The following CTNNA2 variants were observed in gnomAD, a reference collection of about 807,000 sequenced individuals.
CTNNA2 encodes the protein catenin alpha 2, also known as catenin alpha-2.
Under a neutral mutation model 101.0 loss-of-function variants are expected in CTNNA2, and 42 were observed. The observed-to-expected ratio is 0.42, with a 90% CI of 0.32 to 0.54. The LOEUF (loss-of-function observed/expected upper bound fraction) is 0.54, where lower values mean the gene tolerates loss of function less well. Ranked by LOEUF, CTNNA2 falls within the 20% of genes least tolerant of loss-of-function variation. The pLI, the probability that CTNNA2 is intolerant of heterozygous loss-of-function variation, is 0.14. For synonymous variants in CTNNA2, 450 were observed against 456.4 expected, an observed-to-expected ratio of 0.99 and a Z score of 0.18; for missense variants, 871 against 1,223.1, an observed-to-expected ratio of 0.71 and a Z score of 4.29.
chr2:80,015,758 G>A (rs1262855408), intron 7 of CTNNA2, among the ~76,000 whole-genome samples: 1 of 152,196 alleles, frequency 6.6e-6, no homozygotes, highest in Non-Finnish European at 1.5e-5. Context: ...ATTGTTAGGC[G>A]TCTCTACTTT....
At chr2:79,314,276 T>C (rs956509336) in intron 3 of CTNNA2, among the ~76,000 whole-genome samples, 1 of 152,130 alleles carries the variant, frequency 6.6e-6, no homozygotes, top group African/African-American at 2.4e-5. Context: ...CCGTAGAAAA[T>C]GCAGAAGTAG....
At chr2:80,208,162 C>T (rs1486266751) in intron 7 of CTNNA2, among the ~76,000 whole-genome samples, 1 of 152,180 alleles carries the variant, frequency 6.6e-6, no homozygotes, top group Non-Finnish European at 1.5e-5. Flanking sequence ...GATTACACCT[C>T]TACAAATGCA....
chr2:79,666,145 C>T (rs1048189593), intron 2 of CTNNA2, among the ~76,000 whole-genome samples: 1 of 152,132 alleles, frequency 6.6e-6, no homozygotes, highest in African/African-American at 2.4e-5. Context: ...ATTTTAGTGA[C>T]TTTTGCATTT....
At position 79,874,309 on chromosome 2, in the gene CTNNA2, C is replaced by G; in HGVS notation, c.819C>G (p.Ile273Met). 1 of 1,613,842 alleles carries G rather than the reference C, an allele frequency of 6.2e-7. No individual in the cohort carries two copies. Among genetic ancestry groups the G allele is most frequent in the Non-Finnish European group, 8.5e-7 (1 of 1,180,006 alleles). Reference sequence around the variant, plus strand: ...ACGAAGCCAAGGGCCACACGGGCATCGGCGAGCTGGCTGCGGCTCTTAATG... The same window carrying G: ...ACGAAGCCAAGGGCCACACGGGCATGGGCGAGCTGGCTGCGGCTCTTAATG... Reference protein sequence around the residue: ...PTDEAKGHTGIGELAAALNEF... With the variant: ...PTDEAKGHTGMGELAAALNEF... The change falls in exon 6 of 19, where the codon ATC becomes ATG. Residue 273 changes from isoleucine (I) to methionine (M), a missense_variant. Ile to Met is a conservative substitution (Grantham distance 10, BLOSUM62 1). Around this residue, in one of 5 missense-constraint regions of CTNNA2, gnomAD observed 647 missense variants for 831.5 expected, o/e 0.78. Transcript: ENST00000402739.
chr2:79,778,750 CTCTT>C (rs1435883855), intron 3 of CTNNA2, among the ~76,000 whole-genome samples: 20 of 152,154 alleles, frequency 1.3e-4, no homozygotes, highest in Non-Finnish European at 2.1e-4. Flanking sequence ...TCTCTCCTCT[CTCTT>C]CTCACTGTGA....
intron 4 of CTNNA2, among the ~76,000 whole-genome samples, chr2:79,448,168 A>G (rs1455292596): frequency 6.6e-6 from 1 of 152,106 alleles, no homozygotes; most frequent in Non-Finnish European, 1.5e-5. Context: ...AACAGCTCTG[A>G]TGAAACCTTG....
chr2:79,599,696 G>T (rs1677425899), intron 1 of CTNNA2, among the ~76,000 whole-genome samples: 1 of 152,012 alleles, frequency 6.6e-6, no homozygotes, highest in Non-Finnish European at 1.5e-5. Context: ...TAATATCTTA[G>T]GACACAAAAA....
chr2:79,835,084 AG>A (rs748847069), intron 3 of CTNNA2, among the ~76,000 whole-genome samples: 15 of 152,146 alleles, frequency 9.9e-5, no homozygotes, highest in Non-Finnish European at 2.1e-4. Context: ...GATATCTATC[AG>A]GGCAATGCTT....
chr2:79,253,773 A>T (rs146280759), intron 2 of CTNNA2, among the ~76,000 whole-genome samples: 1 of 152,328 alleles, frequency 6.6e-6, no homozygotes, highest in East Asian at 1.9e-4. Context: ...GACATTTCTG[A>T]TCATTTTGCT....
chr2:80,359,458 G>A (rs544791784), intron 7 of CTNNA2, among the ~76,000 whole-genome samples: 8 of 152,254 alleles, frequency 5.3e-5, no homozygotes, highest in African/African-American at 1.9e-4. Context: ...GGAGGTGATT[G>A]GATCATGGGA....
At chr2:79,317,225 G>A (rs1247105234) in intron 3 of CTNNA2, among the ~76,000 whole-genome samples, 2 of 151,966 alleles carry the variant, frequency 1.3e-5, no homozygotes, top group Non-Finnish European at 2.9e-5. Context: ...GATTTTCACA[G>A]GTTAAACAAA....
At chr2:79,862,930 A>C (rs1045674924) in intron 4 of CTNNA2, among the ~76,000 whole-genome samples, 1 of 152,204 alleles carries the variant, frequency 6.6e-6, no homozygotes, top group Admixed American at 6.5e-5. Flanking sequence ...GTCCAGAGGT[A>C]ATAGCTTCAG....
intron 2 of CTNNA2, among the ~76,000 whole-genome samples, chr2:79,688,806 C>T (rs1371661508): frequency 6.6e-6 from 1 of 152,004 alleles, no homozygotes; most frequent in African/African-American, 2.4e-5. Context: ...GAACAAGGTC[C>T]AGAAGGCACC....
At chr2:79,774,029 C>T (rs947233097) in intron 3 of CTNNA2, among the ~76,000 whole-genome samples, 4 of 152,138 alleles carry the variant, frequency 2.6e-5, no homozygotes, top group Admixed American at 6.5e-5. Flanking sequence ...TTTGTGGCTT[C>T]TCTCATCAAG....
chr2:80,635,633 T>A (rs1672793074), intron 18 of CTNNA2, among the ~76,000 whole-genome samples: 1 of 152,172 alleles, frequency 6.6e-6, no homozygotes, highest in Admixed American at 6.6e-5. Context: ...TACTCTTAAT[T>A]GGAGCAATGA....
chr2:80,074,478 C>T (rs1698551364), intron 7 of CTNNA2, among the ~76,000 whole-genome samples: 1 of 152,134 alleles, frequency 6.6e-6, no homozygotes, highest in Admixed American at 6.5e-5. Flanking sequence ...GAGAAGGTGG[C>T]AGAATGACAG....
chr2:79,314,376 T>C (rs1172778291), intron 3 of CTNNA2, among the ~76,000 whole-genome samples: 1 of 152,202 alleles, frequency 6.6e-6, no homozygotes, highest in African/African-American at 2.4e-5. Flanking sequence ...GGTCCAGATA[T>C]ATTTTAGGTC....
At chr2:79,584,520 C>CTT (rs558450184) in intron 1 of CTNNA2, among the ~76,000 whole-genome samples, 53 of 134,140 alleles carry the variant, frequency 4.0e-4, no homozygotes, top group South Asian at 1.2e-3. Context: ...GGTAGATTTT[C>CTT]TTTTTTTTTT....
chr2:80,361,148 C>G (rs1037173101), intron 7 of CTNNA2, among the ~76,000 whole-genome samples: 4 of 151,930 alleles, frequency 2.6e-5, no homozygotes, highest in African/African-American at 9.7e-5. Context: ...AATTGGTTTT[C>G]TAGCAGATGG....
Sources: allele counts gnomAD v4.1 joint callset (sites outside exome capture counted in the v4.1 genomes callset), GRCh38; gene constraint gnomAD v4.1.1; regional missense constraint gnomAD v4.1.1; transcripts MANE v1.5; gene names NCBI Gene and HGNC (gene_info 2026-07-23, HGNC 2026-07-21).